DPYSL3: variants seen among roughly 807,000 people sequenced by gnomAD.
The protein encoded by DPYSL3 is dihydropyrimidinase like 3.
In DPYSL3, 16 loss-of-function variants were observed where a neutral mutation model predicts 66.1. The ratio of observed to expected loss-of-function variants is 0.24; its 90% CI spans 0.16 to 0.37. The LOEUF is 0.37. Ranked by LOEUF, DPYSL3 falls within the 10% of genes least tolerant of loss-of-function variation. The pLI is 1.00. For synonymous variants in DPYSL3, 338 were observed against 345.1 expected, an observed-to-expected ratio of 0.98 and a Z score of 0.23; for missense variants, 738 against 916.2, an observed-to-expected ratio of 0.81 and a Z score of 2.51.
chr5:147,408,581 T>G lies in DPYSL3; in HGVS notation c.1032+147A>C, dbSNP rs150431071. On this transcript the variant is annotated intron_variant, in intron 7 of 13. Coordinates refer to ENST00000343218, the MANE Select transcript of DPYSL3 (RefSeq NM_001197294.2). ...CATGTCTCTTACATTCCTTTCTAAT[T>G]TTCTCACGGGCTCCTGAGTTAGAGT... 2.2e-4 allele frequency: 164 copies of G among 757,844 alleles called. No homozygotes were observed. The East Asian group carries it at 3.9e-3, about 18-fold the overall frequency. 46.9% of individuals were successfully genotyped at this position (757,844 alleles called of 1,614,324 possible).
chr5:147,483,709 T>C (rs969301423), intron 1 of DPYSL3, among the ~76,000 whole-genome samples: 1 of 152,082 alleles, frequency 6.6e-6, no homozygotes, highest in Non-Finnish European at 1.5e-5. Context: ...TAATGAGTAT[T>C]AAATAGAGGT....
intron 2 of DPYSL3, among the ~76,000 whole-genome samples, chr5:147,422,885 GAGA>G (rs1752111247): frequency 6.6e-6 from 1 of 152,036 alleles, no homozygotes; most frequent in Non-Finnish European, 1.5e-5. Flanking sequence ...ATAGCATTAG[GAGA>G]AATACCTAAT....
intron 1 of DPYSL3, among the ~76,000 whole-genome samples, chr5:147,446,255 C>A (rs983353422): frequency 1.3e-5 from 2 of 152,156 alleles, no homozygotes. Context: ...TAAGGGTTTG[C>A]CCAAAGTGAC....
intron 6 of DPYSL3, among the ~76,000 whole-genome samples, chr5:147,409,955 C>G (rs968210029): frequency 1.3e-5 from 2 of 152,128 alleles, no homozygotes; most frequent in African/African-American, 4.8e-5. Context: ...AATGCACATA[C>G]TAAAAGCAAC....
intron 1 of DPYSL3, among the ~76,000 whole-genome samples, chr5:147,506,625 G>T (rs1039835470): frequency 1.3e-5 from 2 of 152,146 alleles, no homozygotes; most frequent in Non-Finnish European, 2.9e-5. Context: ...GGGTAAGAAA[G>T]AAATTTAGGG....
chr5:147,495,003 A>G (rs915784408), intron 1 of DPYSL3, among the ~76,000 whole-genome samples: 11 of 152,116 alleles, frequency 7.2e-5, no homozygotes, highest in African/African-American at 2.7e-4. Flanking sequence ...AAACTCCCAC[A>G]AGAAGAAATT....
chr5:147,494,880 A>AAATAATAAT (rs34805887), intron 1 of DPYSL3, among the ~76,000 whole-genome samples: 4,248 of 142,410 alleles, frequency 0.03, 82 homozygotes, highest in Middle Eastern at 0.047. Context: ...CTCCATCTCA[A>AAATAATAAT]AATAATAATA....
intron 1 of DPYSL3, among the ~76,000 whole-genome samples, chr5:147,469,201 C>A (rs1338046764): frequency 6.6e-6 from 1 of 152,208 alleles, no homozygotes; most frequent in Non-Finnish European, 1.5e-5. Context: ...CTCCGCATCA[C>A]TGATAGCAGC....
At chr5:147,500,890 C>T (rs1003075432) in intron 1 of DPYSL3, among the ~76,000 whole-genome samples, 7 of 152,154 alleles carry the variant, frequency 4.6e-5, no homozygotes, top group Non-Finnish European at 1.0e-4. Flanking sequence ...GGTAGCACCA[C>T]TTTGGAAGAC....
At chr5:147,418,771 G>T in intron 2 of DPYSL3, 140 bp from the exon 3 acceptor site, 1 of 699,562 alleles carries the variant, frequency 1.4e-6, no homozygotes, top group Non-Finnish European at 2.3e-6. Flanking sequence ...TGACTCACAA[G>T]CTTAGCAATC....
intron 1 of DPYSL3, among the ~76,000 whole-genome samples, chr5:147,505,164 G>C (rs893703927): frequency 1.3e-5 from 2 of 152,030 alleles, no homozygotes; most frequent in Non-Finnish European, 2.9e-5. Context: ...AATTTAAGAA[G>C]GTGTTTATAG....
At chr5:147,404,608 C>T (rs1048746788) in intron 8 of DPYSL3, among the ~76,000 whole-genome samples, 1 of 152,190 alleles carries the variant, frequency 6.6e-6, no homozygotes, top group East Asian at 1.9e-4. Flanking sequence ...CACCTGCACT[C>T]GTCCCTTACC....
chr5:147,466,306 T>C (rs1753009803), intron 1 of DPYSL3, among the ~76,000 whole-genome samples: 1 of 152,204 alleles, frequency 6.6e-6, no homozygotes, highest in African/African-American at 2.4e-5. Flanking sequence ...TTGAGTTATT[T>C]AGGAATTGGA....
intron 1 of DPYSL3, among the ~76,000 whole-genome samples, chr5:147,506,750 G>C (rs1023374022): frequency 6.6e-6 from 1 of 152,016 alleles, no homozygotes; most frequent in Non-Finnish European, 1.5e-5. Flanking sequence ...TCCTTATTTT[G>C]TACAGGAGAA....
Position 147,510,067 on chromosome 5 carries a change from G to C in DPYSL3, c.-209C>G. On this transcript the variant is annotated 5_prime_UTR_variant, in exon 1 of 14. Transcript: ENST00000343218. ...CTAGCGCGCGGAGCAGGGGCCCAGA[G>C]TAGCGCCGCGCTTGGCTCACTCGCT... The C allele has an allele frequency of 5.2e-6, 4 of 766,262 alleles. No individual in the cohort carries two copies. Among genetic ancestry groups the C allele is most frequent in the East Asian group, 3.1e-5 (1 of 32,006 alleles). 47.5% of individuals were successfully genotyped at this position (766,262 alleles called of 1,614,324 possible).
chr5:147,497,064 G>A (rs1581219075), intron 1 of DPYSL3, among the ~76,000 whole-genome samples: 1 of 152,166 alleles, frequency 6.6e-6, no homozygotes. Context: ...GGAATACTAT[G>A]CAGCCATAAA....
chr5:147,435,622 A>G (rs180922848), intron 1 of DPYSL3, among the ~76,000 whole-genome samples: 188 of 152,276 alleles, frequency 1.2e-3, no homozygotes, highest in Non-Finnish European at 2.8e-4. Flanking sequence ...TCTTCAAAAA[A>G]TAAGTAAAAT....
intron 1 of DPYSL3, chr5:147,473,394 T>C (rs954804607): frequency 7.2e-5 from 11 of 152,118 alleles, no homozygotes; most frequent in African/African-American, 2.4e-4. Context: ...AAGAAAAAAC[T>C]TTGTTGGTTT....
intron 1 of DPYSL3, among the ~76,000 whole-genome samples, chr5:147,507,120 T>G (rs1232722150): frequency 6.6e-6 from 1 of 152,116 alleles, no homozygotes; most frequent in African/African-American, 2.4e-5. Flanking sequence ...ACTGGACAAA[T>G]AGGAGCAAGA....
Sources: allele counts gnomAD v4.1 joint callset (sites outside exome capture counted in the v4.1 genomes callset), GRCh38; gene constraint gnomAD v4.1.1; transcripts MANE v1.5; gene names NCBI Gene and HGNC (gene_info 2026-07-23, HGNC 2026-07-21).